The following MUC22 variants were observed in gnomAD, a reference collection of about 807,000 sequenced individuals.
The protein encoded by MUC22 is mucin 22.
A neutral mutation model predicts 40.3 loss-of-function variants in MUC22; 24 were observed. The ratio of observed to expected loss-of-function variants is 0.60; its 90% confidence interval spans 0.43 to 0.84. The LOEUF is 0.84. MUC22 is among the 40% of genes least tolerant of loss of function. The pLI, the probability that MUC22 is intolerant of heterozygous loss-of-function variation, is 0.00. For synonymous variants in MUC22, 765 were observed against 844.5 expected (o/e 0.91, Z 1.63); for missense variants, 1,926 against 2,130.7 (o/e 0.90, Z 1.89).
chr6:31,028,732 G>A (rs35464561), exon 2 of MUC22: 180,556 of 1,527,640 alleles, frequency 0.12, 12,787 homozygotes, highest in Admixed American at 0.16. Context: ...CACCTCTACT[G>A]AAGGCTCTGA....
chr6:31,022,383 C>G (rs375605002), intron 1 of MUC22, among the ~76,000 whole-genome samples: 3 of 152,140 alleles, frequency 2.0e-5, no homozygotes, highest in African/African-American at 2.4e-5. Flanking sequence ...AGGCTGGTAT[C>G]GAACTCCTGG....
At chr6:31,030,040 T>C (rs772672392) in exon 2 of MUC22, 1 of 1,535,712 alleles carries the variant, frequency 6.5e-7, no homozygotes, top group Non-Finnish European at 8.7e-7. Flanking sequence ...TTCCACCACG[T>C]TTGTACTCAC....
chr6:31,030,145 A>T lies in MUC22; in HGVS notation c.4669+45A>T, dbSNP rs1187146060. 2.7e-6 allele frequency: 4 copies of T among 1,465,572 alleles called. No homozygotes were observed. The Admixed American group carries it at 6.9e-5, about 25-fold the overall frequency. 90.8% of individuals were successfully genotyped at this position (1,465,572 alleles called of 1,614,324 possible). ...CTTTGAGCCCACACATTTTAACTCC[A>T]GTGGCAACCACCAGCTGTTCACCTG... On this transcript the variant is annotated intron_variant, in intron 2 of 3. Coordinates refer to ENST00000561890, the Ensembl canonical transcript of MUC22.
chr6:31,018,030 C>T (rs1036796652), intron 1 of MUC22, among the ~76,000 whole-genome samples: 3 of 152,216 alleles, frequency 2.0e-5, no homozygotes, highest in African/African-American at 7.2e-5. Flanking sequence ...CACATCTGAA[C>T]ATCAGAAGGA....
At position 31,026,901 on chromosome 6, in the gene MUC22, A is replaced by AACTGCAGGCTCTGAGACCACAGTCTCC. The variant is rs750078131; in HGVS notation, c.1491_1517dup (p.Val498_Thr506dup). 68 of 1,465,230 alleles carry AACTGCAGGCTCTGAGACCACAGTCTCC rather than the reference A, an allele frequency of 4.6e-5. 3 individuals are homozygous for AACTGCAGGCTCTGAGACCACAGTCTCC. The highest frequency in any genetic ancestry group is 5.4e-5 in the Non-Finnish European group (60 of 1,106,264). The allele number at this position is 1,465,230 out of a possible 1,614,324, so 90.8% of individuals were successfully genotyped here. On this transcript the variant is annotated inframe_insertion, in exon 2 of 4. Coordinates refer to ENST00000561890, the Ensembl canonical transcript of MUC22. Reference sequence around the variant, plus strand: ...TGGGCTCTGAGACCACCAAAGTCTCAACTGCAGGCTCTGAGACCACAGTCT... The same window carrying AACTGCAGGCTCTGAGACCACAGTCTCC: ...TGGGCTCTGAGACCACCAAAGTCTCAACTGCAGGCTCTGAGACCACAGTCTCCACTGCAGGCTCTGAGACCACAGTCT...
chr6:31,015,650 A>T (rs1437078245), intron 1 of MUC22, among the ~76,000 whole-genome samples: 1 of 152,222 alleles, frequency 6.6e-6, no homozygotes, highest in Admixed American at 6.5e-5. Context: ...AAAGGCGTTG[A>T]TCCACTATTC....
chr6:31,025,476 A>G (rs1262005246), intron 1 of MUC22, 26 bp from the exon 2 acceptor site: 1 of 1,465,458 alleles, frequency 6.8e-7, no homozygotes, highest in South Asian at 1.4e-5. Flanking sequence ...ACCCATTCCC[A>G]CCACCTTATT....
In MUC22 at chr6:31,026,836, G is replaced by A; in HGVS notation, c.1405G>A (p.Ala469Thr). 2.7e-6 allele frequency: 4 copies of A among 1,490,514 alleles called. 1 individual carries two copies. The highest frequency in any genetic ancestry group is 3.6e-6 in the Non-Finnish European group (4 of 1,115,622). 92.3% of individuals were successfully genotyped at this position (1,490,514 alleles called of 1,614,324 possible). ...CACCACAGGCTCTGAGACCACAACA[G>A]CCTCTACTGCACATTCTGAGACGAC... The change falls in exon 2 of 4, where the codon GCC (alanine) becomes ACC (threonine). Residue 469 changes from alanine (A) to threonine (T), a missense_variant. Physicochemically the swap from Ala to Thr is moderately conservative, Grantham distance 58. This residue lies in a region of MUC22 where 1,281 missense variants were observed against 1,337.8 expected (regional missense o/e 0.96). Coordinates refer to ENST00000561890, the Ensembl canonical transcript of MUC22.
At chr6:31,034,818 A>G (rs991856439) in exon 4 of MUC22, 35 of 1,535,528 alleles carry the variant, frequency 2.3e-5, no homozygotes, top group Non-Finnish European at 3.1e-5. Context: ...GAGAACTTGA[A>G]ATGGGACATG....
chr6:31,032,637 A>G lies in MUC22; in HGVS notation c.5055+56A>G. On this transcript the variant is annotated intron_variant, in intron 3 of 3. Transcript: ENST00000561890. This position sits in a 1 kb window ranked among gnomAD's most constrained non-coding sequence, Gnocchi z 4.1. The stretch of plus-strand genomic sequence containing the variant: ...CCTGGCAAGAAGGCAGGGGGGAATC[A>G]TGTCAGCAGTGCTTTGGAAAAATCC... The G allele has an allele frequency of 4.1e-6, 6 of 1,481,210 alleles. No homozygotes were observed. Among genetic ancestry groups the G allele is most frequent in the Non-Finnish European group, 5.4e-6 (6 of 1,117,400 alleles). The allele number at this position is 1,481,210 out of a possible 1,614,324, so 91.8% of individuals were successfully genotyped here.
chr6:31,022,155 A>G (rs557964413), intron 1 of MUC22, among the ~76,000 whole-genome samples: 4 of 152,262 alleles, frequency 2.6e-5, no homozygotes, highest in South Asian at 4.2e-4. Flanking sequence ...CAAACTCCAG[A>G]CATGCCACCT....
rs1192838671 is a variant in MUC22 at position 31,026,066 on chromosome 6, G to T, written c.635G>T (p.Gly212Val). The T allele has an allele frequency of 5.2e-6, 8 of 1,529,750 alleles. No homozygotes were observed. Among genetic ancestry groups the T allele is most frequent in the Non-Finnish European group, 7.0e-6 (8 of 1,142,454 alleles). The allele number at this position is 1,529,750 out of a possible 1,614,324, so 94.8% of individuals were successfully genotyped here. The change falls in exon 2 of 4, where the codon GGC becomes GTC. Residue 212 changes from glycine (G) to valine (V), a missense_variant. Transcript: ENST00000561890. ...GAGGCCACTAAAGTCTCTACCACAG[G>T]CTCTGAAACCACCACAGCATCTACT...
chr6:31,032,592 A>G lies in MUC22; in HGVS notation c.5055+11A>G, dbSNP rs1335227026. 4.6e-6 allele frequency: 7 copies of G among 1,527,400 alleles called. No individual in the cohort carries two copies. The Admixed American group carries it at 5.9e-5, about 13-fold the overall frequency. 94.6% of individuals were successfully genotyped at this position (1,527,400 alleles called of 1,614,324 possible). ...CTGAGTTTTTGTCTGGTGAGTACCCAGGGTGGGTTCATAGGGGAGCCTGGC... is the reference window on the plus strand; with the variant it reads ...CTGAGTTTTTGTCTGGTGAGTACCCGGGGTGGGTTCATAGGGGAGCCTGGC... On this transcript the variant is annotated intron_variant, in intron 3 of 3. Transcript: ENST00000561890. The surrounding 1 kb of genome is among the most constrained non-coding windows in gnomAD (Gnocchi z 4.1).
rs1474196912 is a variant in MUC22 at position 31,011,296 on chromosome 6, G to A, written c.70+520G>A. Among the ~76,000 whole-genome samples the A allele has an allele frequency of 6.6e-6, 1 of 152,014 alleles. No homozygotes were observed. The highest frequency in any genetic ancestry group is 1.5e-5 in the Non-Finnish European group (1 of 68,010). ...GAGACTTTGGTGCACCCGTCACCAA[G>A]CAGTGTACACCGCACCCACCCTATC... On this transcript the variant is annotated intron_variant, in intron 1 of 3. Transcript: ENST00000561890. The surrounding 1 kb of genome is among the most constrained non-coding windows in gnomAD (Gnocchi z 4.5).
At chr6:31,018,747 A>G (rs1764455206) in intron 1 of MUC22, among the ~76,000 whole-genome samples, 1 of 152,294 alleles carries the variant, frequency 6.6e-6, no homozygotes, top group Admixed American at 6.5e-5. Context: ...GGCCCAGGCC[A>G]TATCTTACTT....
chr6:31,029,443 G>A (rs762762329), exon 2 of MUC22: 4 of 1,534,564 alleles, frequency 2.6e-6, no homozygotes, highest in South Asian at 1.2e-5. Flanking sequence ...GACCACCACA[G>A]TCTCCACCTC....
chr6:31,034,912 C>T, exon 4 of MUC22: 2 of 1,535,388 alleles, frequency 1.3e-6, no homozygotes, highest in Non-Finnish European at 1.7e-6. Flanking sequence ...TCATGGCGGG[C>T]ATTATGGACA....
At chr6:31,017,466 G>A (rs1372271964) in intron 1 of MUC22, among the ~76,000 whole-genome samples, 1 of 152,082 alleles carries the variant, frequency 6.6e-6, no homozygotes, top group African/African-American at 2.4e-5. Context: ...CTAGCTCAAG[G>A]TTTGTAAACA....
upstream of MUC22, among the ~76,000 whole-genome samples, chr6:31,008,195 A>G (rs1189880661): frequency 6.6e-6 from 1 of 152,246 alleles, no homozygotes; most frequent in Non-Finnish European, 1.5e-5. Flanking sequence ...TCCTGACTCC[A>G]TCACTTACTA....
Sources: allele counts gnomAD v4.1 joint callset (sites outside exome capture counted in the v4.1 genomes callset), GRCh38; gene constraint gnomAD v4.1.1; regional missense constraint gnomAD v4.1.1; non-coding constraint Gnocchi (gnomAD v3.1); transcripts MANE v1.5; gene names NCBI Gene and HGNC (gene_info 2026-07-23, HGNC 2026-07-21).